Variants in PRKX observed in about 807,000 individuals in gnomAD.
The protein encoded by PRKX is protein kinase cAMP-dependent X-linked catalytic subunit.
A neutral mutation model predicts 22.0 loss-of-function variants in PRKX; 12 were observed. That is an observed-to-expected ratio of 0.54 (90% CI 0.35 to 0.88). The LOEUF (loss-of-function observed/expected upper bound fraction) is 0.88, where lower values mean the gene tolerates loss of function less well. Among genes scored for constraint, PRKX ranks in the 40% least tolerant of loss-of-function variants. The pLI is 0.01. For missense variants in PRKX, 217 were observed against 308.0 expected (o/e 0.70, Z 2.21); for synonymous variants, 134 against 137.7 (o/e 0.97, Z 0.19).
chrX:3,659,327 A>T (rs1927542739), intron 2 of PRKX, among the ~76,000 whole-genome samples: 1 of 111,752 alleles, frequency 8.9e-6, no homozygotes, highest in African/African-American at 3.3e-5. Context: ...ACTAATCACA[A>T]TGTTTTTATG....
chrX:3,655,433 T>C (rs1459543951), intron 2 of PRKX, 21 bp from the exon 3 acceptor site: 1 of 1,211,050 alleles, frequency 8.3e-7, no homozygotes, highest in Non-Finnish European at 1.1e-6. Flanking sequence ...AGACAGCACA[T>C]GCTCAGGGCC....
intron 1 of PRKX, among the ~76,000 whole-genome samples, chrX:3,702,693 CTT>C (rs747061377): frequency 2.1e-4 from 19 of 88,937 alleles, no homozygotes; most frequent in Admixed American, 3.8e-4. Context: ...GTCTATTTTT[CTT>C]TTTTTTTTTT....
intron 3 of PRKX, among the ~76,000 whole-genome samples, chrX:3,645,611 TA>T (rs773798405): frequency 8.9e-6 from 1 of 112,325 alleles, no homozygotes; most frequent in South Asian, 3.7e-4. Flanking sequence ...GTAAATGCAA[TA>T]AATGCCACTC....
intron 4 of PRKX, among the ~76,000 whole-genome samples, chrX:3,639,353 G>GGTA (rs1480789970): frequency 4.6e-5 from 1 of 21,516 alleles, no homozygotes; most frequent in Non-Finnish European, 8.3e-5. Flanking sequence ...GGGTGGGGGT[G>GGTA]GATGGATGAA....
chrX:3,625,782 A>G lies in PRKX; in HGVS notation c.815+637T>C, dbSNP rs112119234. On this transcript the variant is annotated intron_variant, in intron 5 of 8. Coordinates refer to ENST00000262848, the MANE Select transcript of PRKX (RefSeq NM_005044.5). Reference sequence around the variant, plus strand: ...GAGCCGAGGTTTCACCGTGTTTCCCAGGATGGTCTCGATCTCCTGACCTCG... The same window carrying G: ...GAGCCGAGGTTTCACCGTGTTTCCCGGGATGGTCTCGATCTCCTGACCTCG... Among the ~76,000 whole-genome samples, 693 of 111,105 alleles carry G rather than the reference A, an allele frequency of 6.2e-3. 5 individuals are homozygous for G. The highest frequency in any genetic ancestry group is 0.022 in the African/African-American group (667 of 30,594).
At chrX:3,643,168 T>A (rs1927120512) in intron 3 of PRKX, among the ~76,000 whole-genome samples, 1 of 80,397 alleles carries the variant, frequency 1.2e-5, no homozygotes, top group African/African-American at 5.2e-5. Context: ...AAGACAGAAA[T>A]ACACTTCCTC....
chrX:3,653,637 GTA>G lies in PRKX; in HGVS notation c.599+1510_599+1511del, dbSNP rs1017881720. Among the ~76,000 whole-genome samples the G allele has an allele frequency of 1.3e-4, 9 of 69,769 alleles. 1 individual carries two copies. The highest frequency in any genetic ancestry group is 2.3e-4 in the Non-Finnish European group (9 of 38,459). 60.6% of individuals were successfully genotyped at this position (69,769 alleles called of 115,157 possible). ...ATATATATTATATATAATATACTATGTAATATATATATTATATATAATATACT... is the reference window on the plus strand; with the variant it reads ...ATATATATTATATATAATATACTATGATATATATATTATATATAATATACT... On this transcript the variant is annotated intron_variant, in intron 3 of 8. Transcript: ENST00000262848.
chrX:3,683,126 T>C (rs1274339940), intron 1 of PRKX, among the ~76,000 whole-genome samples: 8 of 111,995 alleles, frequency 7.1e-5, no homozygotes, highest in Non-Finnish European at 1.5e-4. Flanking sequence ...CACTTCAGAG[T>C]TGTGGTCTCC....
At chrX:3,639,843 G>T (rs2146572991) in intron 4 of PRKX, among the ~76,000 whole-genome samples, 1 of 110,712 alleles carries the variant, frequency 9.0e-6, no homozygotes, top group East Asian at 2.9e-4. Context: ...AAGCACATGG[G>T]ACGATGACCC....
At chrX:3,700,749 T>TTGTTGTTG (rs1555898377) in intron 1 of PRKX, among the ~76,000 whole-genome samples, 1 of 105,468 alleles carries the variant, frequency 9.5e-6, no homozygotes, top group African/African-American at 3.5e-5. Context: ...CAGCTAATTG[T>TTGTTGTTG]TTGTTGTTGT....
At chrX:3,627,941 G>A (rs1052222830) in intron 4 of PRKX, among the ~76,000 whole-genome samples, 1 of 111,166 alleles carries the variant, frequency 9.0e-6, no homozygotes, top group Admixed American at 9.7e-5. Flanking sequence ...ACATCGGCAC[G>A]CCCATGTTTA....
chrX:3,658,755 C>T (rs1254863883), intron 2 of PRKX, among the ~76,000 whole-genome samples: 1 of 110,768 alleles, frequency 9.0e-6, no homozygotes, highest in African/African-American at 3.3e-5. Flanking sequence ...GATGCTATCA[C>T]AGATGCTCCC....
At chrX:3,618,821 G>C (rs1472902689) in intron 6 of PRKX, among the ~76,000 whole-genome samples, 2 of 110,919 alleles carry the variant, frequency 1.8e-5, no homozygotes, top group African/African-American at 3.3e-5. Context: ...TTCTAGATAT[G>C]GGTCGTCTGT....
intron 3 of PRKX, among the ~76,000 whole-genome samples, chrX:3,645,977 T>G (rs751413021): frequency 9.0e-6 from 1 of 110,559 alleles, no homozygotes; most frequent in South Asian, 3.9e-4. Flanking sequence ...ATGGTACATT[T>G]TAAGTGTATT....
intron 1 of PRKX, among the ~76,000 whole-genome samples, chrX:3,688,041 G>A (rs767785435): frequency 3.6e-5 from 4 of 112,325 alleles, no homozygotes; most frequent in Non-Finnish European, 7.5e-5. Context: ...GCTGAGGCAG[G>A]AGAATTGCTT....
intron 2 of PRKX, among the ~76,000 whole-genome samples, chrX:3,673,653 T>A (rs1191030543): frequency 9.1e-6 from 1 of 110,435 alleles, no homozygotes; most frequent in Admixed American, 9.6e-5. Context: ...GGGAATTGGA[T>A]GGAAGGCACC....
chrX:3,616,913 A>G (rs1259675050), intron 6 of PRKX, among the ~76,000 whole-genome samples: 2 of 111,550 alleles, frequency 1.8e-5, no homozygotes, highest in Non-Finnish European at 3.8e-5. Context: ...TTTATCCATC[A>G]GATAAAATTC....
intron 3 of PRKX, among the ~76,000 whole-genome samples, chrX:3,647,696 T>C (rs1927218682): frequency 9.1e-6 from 1 of 109,471 alleles, no homozygotes; most frequent in Admixed American, 1.0e-4. Context: ...TTTATATGTA[T>C]GATTTTCTAA....
chrX:3,617,352 G>A (rs1253818610), intron 6 of PRKX, among the ~76,000 whole-genome samples: 1 of 110,316 alleles, frequency 9.1e-6, no homozygotes. Flanking sequence ...TATATAAAGT[G>A]TGTGTGAGGG....
Sources: gnomAD v4.1 joint callset for allele counts (sites outside exome capture counted in the v4.1 genomes callset) on GRCh38, gnomAD v4.1.1 for gene constraint, MANE v1.5 for transcripts, NCBI Gene and HGNC (gene_info 2026-07-23, HGNC 2026-07-21) for gene names.